The following PVT1 variants were observed in gnomAD, a reference collection of about 807,000 sequenced individuals.
The protein encoded by PVT1 is CXCR4/PVT1 fusion.
intron 2 of PVT1, among the ~76,000 whole-genome samples, chr8:127,821,342 T>C (rs980817688): frequency 6.6e-6 from 1 of 152,068 alleles, no homozygotes; most frequent in African/African-American, 2.4e-5. Context: ...TATATGTAAA[T>C]TGCACAATGG....
At chr8:128,093,128 T>C (rs1814381398) in intron 5 of PVT1, among the ~76,000 whole-genome samples, 1 of 152,250 alleles carries the variant, frequency 6.6e-6, no homozygotes, top group African/African-American at 2.4e-5. Context: ...GCCATGTTCC[T>C]TAAGGAAAAG....
intron 4 of PVT1, among the ~76,000 whole-genome samples, chr8:128,043,773 T>TACACACACACACACACAC (rs112991135): frequency 3.6e-5 from 5 of 140,742 alleles, no homozygotes; most frequent in African/African-American, 1.4e-4. Flanking sequence ...AACTATTTCC[T>TACACACACACACACACAC]ACACACACAC....
At chr8:127,909,106 T>C (rs909129262) in intron 3 of PVT1, among the ~76,000 whole-genome samples, 4 of 152,250 alleles carry the variant, frequency 2.6e-5, no homozygotes, top group Non-Finnish European at 5.9e-5. Flanking sequence ...CACTGTATAT[T>C]TGAAGGCCCT....
chr8:127,831,910 T>C (rs1814854949), intron 2 of PVT1, among the ~76,000 whole-genome samples: 1 of 152,232 alleles, frequency 6.6e-6, no homozygotes, highest in South Asian at 2.1e-4. Flanking sequence ...TTTTGCTCTT[T>C]GCTTAGGCAA....
chr8:128,076,040 C>T (rs1195072817), intron 5 of PVT1, among the ~76,000 whole-genome samples: 2 of 152,152 alleles, frequency 1.3e-5, no homozygotes, highest in African/African-American at 4.8e-5. Flanking sequence ...TTTCCTTTGT[C>T]CTCACAGTCT....
intron 4 of PVT1, among the ~76,000 whole-genome samples, chr8:128,030,401 A>C (rs1049659400): frequency 6.6e-6 from 1 of 152,178 alleles, no homozygotes; most frequent in African/African-American, 2.4e-5. Context: ...AGCTTTTGTC[A>C]TTTAATGTAA....
At chr8:128,041,503 G>A (rs920869375) in intron 4 of PVT1, among the ~76,000 whole-genome samples, 1 of 95,876 alleles carries the variant, frequency 1.0e-5, no homozygotes, top group African/African-American at 3.3e-5. Context: ...TTTGGTATGT[G>A]TGTGTGTGTG....
chr8:127,968,093 G>A (rs115447964), intron 3 of PVT1, among the ~76,000 whole-genome samples: 156 of 152,316 alleles, frequency 1.0e-3, no homozygotes, highest in Middle Eastern at 6.8e-3. Context: ...AGGTCTGCCT[G>A]GCTGACTCCA....
At chr8:128,039,005 G>A (rs921546732) in intron 4 of PVT1, among the ~76,000 whole-genome samples, 2 of 152,172 alleles carry the variant, frequency 1.3e-5, no homozygotes, top group African/African-American at 4.8e-5. Flanking sequence ...AGGGAAGGGA[G>A]GCAGAAGGAA....
intron 3 of PVT1, among the ~76,000 whole-genome samples, chr8:127,974,860 G>T (rs975063011): frequency 6.6e-6 from 1 of 152,076 alleles, no homozygotes; most frequent in African/African-American, 2.4e-5. Context: ...ATTAATTAAT[G>T]ATTTTATATA....
In PVT1 at chr8:127,882,893, C is replaced by T. The variant is rs569271241; in HGVS notation, n.373-7696C>T. Among the ~76,000 whole-genome samples, 19 of 152,208 alleles carry T rather than the reference C, an allele frequency of 1.2e-4. No individual in the cohort carries two copies. In the South Asian group the frequency reaches 1.9e-3, roughly 15 times the overall value. On this transcript the variant is annotated intron_variant and non_coding_transcript_variant, in intron 2 of 10. Coordinates refer to ENST00000651587, the Ensembl canonical transcript of PVT1. ...CTGCTACAACTGCTGCCCCATTGAC[C>T]GGGTCTCAGAGGTGTTATAATTAAC... is the stretch of plus-strand genomic sequence containing the variant.
At chr8:127,843,793 G>A (rs962141067) in intron 2 of PVT1, among the ~76,000 whole-genome samples, 7 of 151,694 alleles carry the variant, frequency 4.6e-5, no homozygotes, top group African/African-American at 1.7e-4. Flanking sequence ...GTCTTCCTGG[G>A]CAGACTAGAT....
chr8:127,795,128 C>T (rs772055463), intron 1 of PVT1, among the ~76,000 whole-genome samples: 1 of 152,166 alleles, frequency 6.6e-6, no homozygotes, highest in Non-Finnish European at 1.5e-5. Flanking sequence ...CATCACTCCC[C>T]GCTTCCTCTC....
chr8:127,927,368 G>A (rs746230522), intron 3 of PVT1, among the ~76,000 whole-genome samples: 2 of 152,148 alleles, frequency 1.3e-5, no homozygotes, highest in South Asian at 2.1e-4. Context: ...ATCCAGGCCC[G>A]TTTCTGGTCT....
chr8:127,985,039 C>CTTCCTTCCT (rs1554602258), intron 3 of PVT1, among the ~76,000 whole-genome samples: 7 of 104,608 alleles, frequency 6.7e-5, no homozygotes, highest in South Asian at 3.3e-4. Context: ...CCTTCCTTTC[C>CTTCCTTCCT]TTCTTTTTTT....
At chr8:127,832,185 T>A (rs986784129) in intron 2 of PVT1, among the ~76,000 whole-genome samples, 4 of 152,164 alleles carry the variant, frequency 2.6e-5, no homozygotes, top group African/African-American at 9.7e-5. Context: ...TTTTGTGGTT[T>A]GCTACATTTC....
At chr8:127,915,387 C>T (rs143413391) in intron 3 of PVT1, among the ~76,000 whole-genome samples, 6,105 of 151,398 alleles carry the variant, frequency 0.04, 410 homozygotes, top group African/African-American at 0.14. Flanking sequence ...AGGCGGGCGG[C>T]AGATCACCTG....
chr8:127,965,793 G>T (rs566108377), intron 3 of PVT1, among the ~76,000 whole-genome samples: 1 of 152,326 alleles, frequency 6.6e-6, no homozygotes, highest in Admixed American at 6.5e-5. Context: ...AGATTGGCAG[G>T]AGATGAGCAG....
rs779419998 is a variant in PVT1 at position 128,061,203 on chromosome 8, C to CT, written n.913-8956dup. Among the ~76,000 whole-genome samples, 16 of 152,202 alleles carry CT rather than the reference C, an allele frequency of 1.1e-4. 1 individual carries two copies. Among genetic ancestry groups the CT allele is most frequent in the Non-Finnish European group, 1.9e-4 (13 of 68,036 alleles). Reference sequence around the variant, plus strand: ...GGATTACAGACGTGAGCCACCATGCCTGGCCATGGATTCGCCTATTGTAGA... The same window carrying CT: ...GGATTACAGACGTGAGCCACCATGCCTTGGCCATGGATTCGCCTATTGTAGA... On this transcript the variant is annotated intron_variant and non_coding_transcript_variant, in intron 4 of 10. Coordinates refer to ENST00000651587, the Ensembl canonical transcript of PVT1.
Sources: allele counts gnomAD v4.1 joint callset (sites outside exome capture counted in the v4.1 genomes callset), GRCh38; gene constraint gnomAD v4.1.1; transcripts MANE v1.5; gene names NCBI Gene and HGNC (gene_info 2026-07-23, HGNC 2026-07-21).